The following KAZN variants were observed in gnomAD, a reference collection of about 807,000 sequenced individuals.
KAZN encodes kazrin, periplakin interacting protein.
A neutral mutation model predicts 87.4 loss-of-function variants in KAZN; 40 were observed. That is an observed-to-expected ratio of 0.46 (90% CI 0.36 to 0.60). The LOEUF (loss-of-function observed/expected upper bound fraction) is 0.60, where lower values mean the gene tolerates loss of function less well. Among genes scored for constraint, KAZN ranks in the 20% least tolerant of loss-of-function variants. The pLI is 0.00. For synonymous variants in KAZN, 466 were observed against 458.3 expected (o/e 1.02, Z -0.22); for missense variants, 898 against 1,073.9 (o/e 0.84, Z 2.29).
intron 2 of KAZN, among the ~76,000 whole-genome samples, chr1:14,345,083 T>A (rs1658014582): frequency 6.6e-6 from 1 of 152,072 alleles, no homozygotes; most frequent in Non-Finnish European, 1.5e-5. Flanking sequence ...CACACCTGGC[T>A]AATTTTTGTA....
Position 14,193,087 on chromosome 1 carries a change from G to A in KAZN, c.249+12495G>A, listed in dbSNP as rs1646453918. Among the ~76,000 whole-genome samples the A allele has an allele frequency of 2.0e-5, 3 of 152,120 alleles. No individual in the cohort carries two copies. The South Asian group carries it at 6.2e-4, about 32-fold the overall frequency. ...GAGCGAGTTCTCAAAAGATCTGATG[G>A]TTTTATAAGGCGTTCTTCCCCCTGT... On this transcript the variant is annotated intron_variant, in intron 2 of 16. Transcript: ENST00000636203.
At chr1:14,679,759 T>C (rs1197146972) in intron 1 of KAZN, among the ~76,000 whole-genome samples, 2 of 152,150 alleles carry the variant, frequency 1.3e-5, no homozygotes, top group Non-Finnish European at 2.9e-5. Flanking sequence ...GTAAGAAACA[T>C]GCCCAAGGTC....
At chr1:13,981,093 A>ATATATATATATATATG (rs1553181082) in intron 1 of KAZN, among the ~76,000 whole-genome samples, 4 of 78,150 alleles carry the variant, frequency 5.1e-5, no homozygotes, top group Non-Finnish European at 8.0e-5. Context: ...TACTCTTTAT[A>ATATATATATATATATG]TATATATATA....
chr1:14,136,171 G>A (rs1337385322), intron 1 of KAZN, among the ~76,000 whole-genome samples: 1 of 152,158 alleles, frequency 6.6e-6, no homozygotes, highest in East Asian at 1.9e-4. Context: ...TGATTTCTGG[G>A]TGGCTATTTG....
intron 1 of KAZN, among the ~76,000 whole-genome samples, chr1:14,104,827 C>T (rs1644333162): frequency 6.6e-6 from 1 of 152,100 alleles, no homozygotes; most frequent in Non-Finnish European, 1.5e-5. Context: ...TTGTTTTATT[C>T]CTAATGCATT....
At chr1:14,182,839 T>C (rs12736419) in intron 2 of KAZN, among the ~76,000 whole-genome samples, 44,989 of 152,044 alleles carry the variant, frequency 0.3, 7,014 homozygotes, top group East Asian at 0.47. Flanking sequence ...GGGAGGCCGA[T>C]AGAATGTAGA....
At chr1:13,989,994 G>A (rs1639203620) in intron 1 of KAZN, among the ~76,000 whole-genome samples, 1 of 152,194 alleles carries the variant, frequency 6.6e-6, no homozygotes, top group Admixed American at 6.5e-5. Flanking sequence ...AACTACCCAA[G>A]TGAGAAAGTA....
intron 1 of KAZN, among the ~76,000 whole-genome samples, chr1:14,851,398 C>A (rs1250467159): frequency 6.6e-6 from 1 of 152,254 alleles, no homozygotes; most frequent in Non-Finnish European, 1.5e-5. Context: ...CAGCCTTCAG[C>A]TGCCCCACCG....
chr1:14,715,419 C>A (rs1454676736), intron 1 of KAZN, among the ~76,000 whole-genome samples: 1 of 152,232 alleles, frequency 6.6e-6, no homozygotes, highest in Non-Finnish European at 1.5e-5. Context: ...TGACACTTGG[C>A]ACCAAAGAAT....
intron 1 of KAZN, among the ~76,000 whole-genome samples, chr1:14,883,310 A>AGAGAGAGAGAGAG (rs1653552012): frequency 1.0e-4 from 5 of 49,370 alleles, no homozygotes; most frequent in East Asian, 1.3e-3. Context: ...GAAAGAAAGA[A>AGAGAGAGAGAGAG]AGAAAGAAAG....
intron 14 of KAZN, 195 bp from the exon 15 acceptor site, chr1:15,114,276 C>G: frequency 1.9e-6 from 1 of 539,092 alleles, no homozygotes; most frequent in East Asian, 3.1e-5. Context: ...ACACAAAGCT[C>G]TCCCCTAATG....
intron 1 of KAZN, among the ~76,000 whole-genome samples, chr1:14,034,609 A>G (rs959675666): frequency 2.0e-5 from 3 of 152,224 alleles, no homozygotes; most frequent in African/African-American, 4.8e-5. Context: ...GTGGCCATTA[A>G]TGTTCCTTGA....
intron 1 of KAZN, among the ~76,000 whole-genome samples, chr1:14,167,799 G>A (rs1645864928): frequency 6.6e-6 from 1 of 152,146 alleles, no homozygotes; most frequent in Admixed American, 6.6e-5. Flanking sequence ...AGGGAGCAAG[G>A]AAGTAAAAGG....
chr1:14,044,053 TA>T (rs1409615126), intron 1 of KAZN, among the ~76,000 whole-genome samples: 2 of 152,144 alleles, frequency 1.3e-5, no homozygotes, highest in African/African-American at 4.8e-5. Flanking sequence ...TTTACTGGGA[TA>T]AACACTCAAA....
intron 2 of KAZN, among the ~76,000 whole-genome samples, chr1:14,229,365 A>G (rs563275528): frequency 1.2e-4 from 19 of 152,342 alleles, no homozygotes; most frequent in Non-Finnish European, 2.2e-4. Context: ...TCGTGAAAAT[A>G]TAACATTTTT....
Position 14,463,967 on chromosome 1 carries a change from C to A in KAZN, c.250-135016C>A, listed in dbSNP as rs1261927345. The stretch of plus-strand genomic sequence containing the variant: ...TTCATTCTGAGAGCTTGGAGGGGCC[C>A]TTAGGCCGTATCATTTTCACTTCCG... On this transcript the variant is annotated intron_variant, in intron 2 of 16. Coordinates refer to the KAZN transcript ENST00000636203. 3.9e-5 allele frequency among the ~76,000 whole-genome samples: 6 copies of A among 152,182 alleles called. No individual in the cohort carries two copies. The East Asian group carries it at 1.2e-3, about 29-fold the overall frequency.
chr1:14,094,722 G>GA (rs1470125792), intron 1 of KAZN, among the ~76,000 whole-genome samples: 2 of 152,058 alleles, frequency 1.3e-5, no homozygotes, highest in African/African-American at 4.8e-5. Context: ...CCTAGTAGTG[G>GA]AAGTGAATAT....
chr1:14,565,925 CAA>C (rs1347311208), intron 2 of KAZN, among the ~76,000 whole-genome samples: 2 of 152,190 alleles, frequency 1.3e-5, no homozygotes, highest in Non-Finnish European at 2.9e-5. Context: ...TTAAATTCTT[CAA>C]AGTCATTCAT....
At chr1:14,387,541 C>T (rs1029043964) in intron 2 of KAZN, among the ~76,000 whole-genome samples, 3 of 152,088 alleles carry the variant, frequency 2.0e-5, no homozygotes, top group Non-Finnish European at 4.4e-5. Context: ...AGACAGGACC[C>T]TCAGCTGCAG....
Sources: allele counts gnomAD v4.1 joint callset (sites outside exome capture counted in the v4.1 genomes callset), GRCh38; gene constraint gnomAD v4.1.1; transcripts MANE v1.5; gene names NCBI Gene and HGNC (gene_info 2026-07-23, HGNC 2026-07-21).